ZNF519: variants seen among roughly 807,000 people sequenced by gnomAD.
ZNF519 encodes the protein similar to Zinc finger protein 85 (Zinc finger protein HPF4) (HTF1).
ZNF519 carries 7 observed loss-of-function variants against 7.4 expected under a neutral mutation model. That is an observed-to-expected ratio of 0.94 (90% CI 0.54 to 1.77). The LOEUF is 1.77. Ranked by LOEUF, ZNF519 falls within the 40% of genes most tolerant of loss-of-function variation. The pLI is 0.00. For missense variants in ZNF519, 586 were observed against 623.1 expected (o/e 0.94, Z 0.63); for synonymous variants, 179 against 203.3 (o/e 0.88, Z 1.02).
At position 14,106,057 on chromosome 18, in the gene ZNF519, A is replaced by AT; in HGVS notation, c.482dup (p.Asn161LysfsTer3). On this transcript the variant is annotated frameshift_variant, in exon 3 of 3. Coordinates refer to ENST00000590202, the MANE Select transcript of ZNF519 (RefSeq NM_145287.4). LOFTEE classifies it low-confidence loss of function (END_TRUNC). ...TACTAATATTTGAGTCATGGTTAAA[A>AT]TTTATCTGATTTTTATTACAAAAGA... 7 of 1,593,826 alleles carry AT rather than the reference A, an allele frequency of 4.4e-6. No individual in the cohort carries two copies. Among genetic ancestry groups the AT allele is most frequent in the Non-Finnish European group, 6.0e-6 (7 of 1,171,248 alleles).
intron 2 of ZNF519, among the ~76,000 whole-genome samples, chr18:14,089,610 G>A (rs907828048): frequency 2.6e-5 from 4 of 152,024 alleles, no homozygotes; most frequent in Non-Finnish European, 5.9e-5. Flanking sequence ...TGGGGTGAGT[G>A]GATATTGGTT....
downstream of ZNF519, among the ~76,000 whole-genome samples, chr18:14,095,414 G>A (rs1048317662): frequency 5.3e-5 from 8 of 152,180 alleles, no homozygotes; most frequent in African/African-American, 1.9e-4. Flanking sequence ...CTTAGTTGAG[G>A]AATGGTGTTT....
chr18:14,095,600 G>C (rs538515923), downstream of ZNF519, among the ~76,000 whole-genome samples: 81 of 152,318 alleles, frequency 5.3e-4, no homozygotes, highest in South Asian at 4.8e-3. Context: ...ACAAGAGACT[G>C]TGTCACCAGA....
At chr18:14,080,240 G>A (rs1481481971) in intron 3 of ZNF519, 3 of 150,830 alleles carry the variant, frequency 2.0e-5, no homozygotes, top group East Asian at 1.9e-4. Context: ...TGGCAAAGAC[G>A]TGAAGCGAAA....
chr18:14,075,662 A>C (rs1250342564), downstream of ZNF519: 2 of 152,228 alleles, frequency 1.3e-5, no homozygotes, highest in Non-Finnish European at 2.9e-5. Context: ...ATACAATGCT[A>C]AAGAAAAAAT....
intron 3 of ZNF519, among the ~76,000 whole-genome samples, chr18:14,079,589 CTAGAAA>C (rs1283481855): frequency 6.6e-6 from 1 of 152,144 alleles, no homozygotes; most frequent in Admixed American, 6.5e-5. Flanking sequence ...AACAGAGAAC[CTAGAAA>C]TAGGCCAACA....
At chr18:14,091,837 C>T (rs920696813) in intron 2 of ZNF519, among the ~76,000 whole-genome samples, 2 of 151,966 alleles carry the variant, frequency 1.3e-5, no homozygotes, top group African/African-American at 4.8e-5. Context: ...TGGGGTAAAG[C>T]TTTGCAGGTG....
chr18:14,081,545 T>C (rs1444512237), intron 3 of ZNF519, among the ~76,000 whole-genome samples: 2 of 152,214 alleles, frequency 1.3e-5, no homozygotes, highest in Admixed American at 6.5e-5. Context: ...TGTGATGGCC[T>C]TTGTGCAAGG....
chr18:14,107,049 G>A (rs2046196933), intron 2 of ZNF519, among the ~76,000 whole-genome samples: 1 of 152,100 alleles, frequency 6.6e-6, no homozygotes, highest in Non-Finnish European at 1.5e-5. Flanking sequence ...ACTCCCAGGT[G>A]AGTCCTAGTG....
chr18:14,112,403 G>A (rs911904222), intron 2 of ZNF519, among the ~76,000 whole-genome samples: 2 of 152,108 alleles, frequency 1.3e-5, no homozygotes, highest in African/African-American at 4.8e-5. Flanking sequence ...TTGAGAACAT[G>A]ACAAGGATGC....
chr18:14,093,055 C>T (rs1294634925), intron 2 of ZNF519, among the ~76,000 whole-genome samples: 1 of 152,186 alleles, frequency 6.6e-6, no homozygotes, highest in Non-Finnish European at 1.5e-5. Context: ...CTTCCTCTAT[C>T]ACTTTGAGAT....
intron 2 of ZNF519, among the ~76,000 whole-genome samples, chr18:14,115,556 G>A (rs1459693001): frequency 6.6e-6 from 1 of 152,136 alleles, no homozygotes; most frequent in African/African-American, 2.4e-5. Flanking sequence ...CAATACCAGT[G>A]AAACAGAACA....
At chr18:14,121,464 A>T (rs2046269462) in intron 2 of ZNF519, among the ~76,000 whole-genome samples, 1 of 152,184 alleles carries the variant, frequency 6.6e-6, no homozygotes, top group African/African-American at 2.4e-5. Flanking sequence ...TTAAATATAT[A>T]GTTATACAAT....
chr18:14,105,583 AG>A lies in ZNF519; in HGVS notation c.956del (p.Pro319LeufsTer218). The A allele has an allele frequency of 6.2e-7, 1 of 1,613,720 alleles. No homozygotes were observed. Among genetic ancestry groups the A allele is most frequent in the Non-Finnish European group, 8.5e-7 (1 of 1,179,878 alleles). On this transcript the variant is annotated frameshift_variant, in exon 3 of 3. Coordinates refer to ENST00000590202, the MANE Select transcript of ZNF519 (RefSeq NM_145287.4). LOFTEE classifies it low-confidence loss of function (END_TRUNC). The part of the protein sequence containing the change: ...QHQRIHTGEK[P>X]FKCKECGKAF... ...CTTTGCCACATTCCTTACACTTGAA[AG>A]GCTTCTCTCCAGTATGGATTCTCTG...
At chr18:14,084,929 C>T (rs2286933) in exon 3 of ZNF519, 75,510 of 152,018 alleles carry the variant, frequency 0.5, 19,106 homozygotes, top group Non-Finnish European at 0.51. Flanking sequence ...TGCAGCTTTC[C>T]CTGAAGGACA....
chr18:14,083,361 A>C (rs1441222395), intron 3 of ZNF519, among the ~76,000 whole-genome samples: 2 of 152,010 alleles, frequency 1.3e-5, no homozygotes, highest in Non-Finnish European at 2.9e-5. Context: ...AAAACAAAAC[A>C]AAAAAACAAA....
At chr18:14,098,485 T>C (rs995742186), downstream of ZNF519, among the ~76,000 whole-genome samples, 1 of 152,084 alleles carries the variant, frequency 6.6e-6, no homozygotes, top group African/African-American at 2.4e-5. Flanking sequence ...TTTTTTAGTA[T>C]TCCCATCATT....
intron 1 of ZNF519, among the ~76,000 whole-genome samples, chr18:14,128,553 T>C (rs2046313223): frequency 1.3e-5 from 2 of 152,246 alleles, no homozygotes; most frequent in East Asian, 1.9e-4. Context: ...GGAGGTAGTG[T>C]TGCAATGTGG....
chr18:14,104,184 T>A lies in ZNF519; in HGVS notation c.*733A>T, dbSNP rs139171555. 1 of 152,332 alleles carries A rather than the reference T, an allele frequency of 6.6e-6. No homozygotes were observed. Among genetic ancestry groups the A allele is most frequent in the South Asian group, 2.1e-4 (1 of 4,826 alleles). The allele number at this position is 152,332 out of a possible 1,614,324, so 9.4% of individuals were successfully genotyped here. A position where few individuals can be genotyped will look rare whatever the true frequency, so the allele number is the denominator to read the frequency against. On this transcript the variant is annotated 3_prime_UTR_variant, in exon 3 of 3. Coordinates refer to ENST00000590202, the MANE Select transcript of ZNF519 (RefSeq NM_145287.4). ...GACTTCTAACTTGCTGCTATGAAGA[T>A]ACATTAGAATATTAATGGACTAGCA...
Sources: gnomAD v4.1 joint callset for allele counts (sites outside exome capture counted in the v4.1 genomes callset) on GRCh38, gnomAD v4.1.1 for gene constraint, MANE v1.5 for transcripts, NCBI Gene and HGNC (gene_info 2026-07-23, HGNC 2026-07-21) for gene names.